RBFOX1: variants seen among roughly 807,000 people sequenced by gnomAD.
The protein encoded by RBFOX1 is RNA binding protein fox-1 homolog 1.
RBFOX1 carries 8 observed loss-of-function variants against 57.7 expected under a neutral mutation model. The ratio of observed to expected loss-of-function variants is 0.14; its 90% confidence interval spans 0.08 to 0.25. The LOEUF (loss-of-function observed/expected upper bound fraction) is 0.25, where lower values mean the gene tolerates loss of function less well. Among genes scored for constraint, RBFOX1 ranks in the 10% least tolerant of loss-of-function variants. The pLI, the probability that RBFOX1 is intolerant of heterozygous loss-of-function variation, is 1.00. For missense variants in RBFOX1, 611 were observed against 548.5 expected (o/e 1.11, Z -1.14); for synonymous variants, 326 against 222.4 (o/e 1.47, Z -4.15).
At chr16:6,619,902 C>G (rs2098202223) in intron 2 of RBFOX1, among the ~76,000 whole-genome samples, 1 of 152,090 alleles carries the variant, frequency 6.6e-6, no homozygotes, top group Non-Finnish European at 1.5e-5. Context: ...TTGTTCCCCT[C>G]TGTGTGTCCA....
chr16:5,497,275 A>G (rs966699335), intron 2 of RBFOX1, among the ~76,000 whole-genome samples: 3 of 150,736 alleles, frequency 2.0e-5, no homozygotes, highest in Non-Finnish European at 4.4e-5. Context: ...CTCAGATAAC[A>G]CAAGCACTTC....
At chr16:6,905,419 G>A (rs1272979876) in intron 3 of RBFOX1, among the ~76,000 whole-genome samples, 1 of 151,968 alleles carries the variant, frequency 6.6e-6, no homozygotes, top group Non-Finnish European at 1.5e-5. Context: ...TGAGCATGGT[G>A]GCACACTCCT....
At chr16:6,879,246 G>A (rs929472021) in intron 3 of RBFOX1, among the ~76,000 whole-genome samples, 1 of 152,094 alleles carries the variant, frequency 6.6e-6, no homozygotes, top group African/African-American at 2.4e-5. Context: ...TATGGAATTG[G>A]CTTTCAGTGA....
At chr16:6,575,862 AAAATAAAT>A (rs60635526) in intron 2 of RBFOX1, among the ~76,000 whole-genome samples, 1,661 of 145,512 alleles carry the variant, frequency 0.011, 11 homozygotes, top group Non-Finnish European at 0.015. Context: ...ATCTCAATAA[AAAATAAAT>A]AAATAAATAA....
chr16:6,385,591 C>G (rs1056920616), intron 2 of RBFOX1, among the ~76,000 whole-genome samples: 1 of 152,194 alleles, frequency 6.6e-6, no homozygotes, highest in Non-Finnish European at 1.5e-5. Flanking sequence ...AACTCCTGAC[C>G]TTAAGTGATC....
At chr16:6,208,924 C>T (rs2097273544) in intron 1 of RBFOX1, among the ~76,000 whole-genome samples, 1 of 152,080 alleles carries the variant, frequency 6.6e-6, no homozygotes, top group South Asian at 2.1e-4. Flanking sequence ...ATCTTCAGGC[C>T]ATATATTGTG....
At chr16:6,962,378 C>G (rs76363687) in intron 3 of RBFOX1, among the ~76,000 whole-genome samples, 1 of 152,144 alleles carries the variant, frequency 6.6e-6, no homozygotes, top group East Asian at 1.9e-4. Flanking sequence ...AGGGTTAGGA[C>G]TTCGACTTAT....
At chr16:7,679,483 G>C in intron 14 of RBFOX1, among the ~76,000 whole-genome samples, 1 of 152,164 alleles carries the variant, frequency 6.6e-6, no homozygotes, top group East Asian at 1.9e-4. Flanking sequence ...TTTTGGTAAT[G>C]CTCACTGGTT....
intron 9 of RBFOX1, among the ~76,000 whole-genome samples, chr16:7,606,998 T>C (rs1054995960): frequency 6.6e-6 from 1 of 152,176 alleles, no homozygotes; most frequent in Non-Finnish European, 1.5e-5. Context: ...CTAAAAAATA[T>C]TGATGGAGTA....
chr16:6,248,938 T>A (rs573702108), intron 1 of RBFOX1, among the ~76,000 whole-genome samples: 2 of 152,318 alleles, frequency 1.3e-5, no homozygotes, highest in South Asian at 4.1e-4. Context: ...GTCTGGGTGC[T>A]TTCTATGTAC....
intron 3 of RBFOX1, among the ~76,000 whole-genome samples, chr16:6,873,543 C>T (rs1393939692): frequency 6.6e-6 from 1 of 151,876 alleles, no homozygotes; most frequent in African/African-American, 2.4e-5. Context: ...TTATTTTCAG[C>T]TTAAAAAAAA....
chr16:6,867,150 A>C (rs2060083164), intron 3 of RBFOX1, among the ~76,000 whole-genome samples: 1 of 152,192 alleles, frequency 6.6e-6, no homozygotes, highest in African/African-American at 2.4e-5. Context: ...GAGATGTACT[A>C]AGTGCAGAAG....
chr16:6,279,327 C>T (rs1023951125), intron 1 of RBFOX1, among the ~76,000 whole-genome samples: 10 of 152,128 alleles, frequency 6.6e-5, no homozygotes, highest in African/African-American at 1.7e-4. Context: ...TTAACTAGCA[C>T]GTACCAAGTG....
Position 6,122,408 on chromosome 16 carries a change from G to A in RBFOX1, c.-127+102416G>A, listed in dbSNP as rs547130177. Among the ~76,000 whole-genome samples, 3 of 151,212 alleles carry A rather than the reference G, an allele frequency of 2.0e-5. No individual in the cohort carries two copies. In the East Asian group the frequency reaches 5.9e-4, roughly 30 times the overall value. On this transcript the variant is annotated intron_variant, in intron 1 of 15. Transcript: ENST00000550418. ...CACACACACACACATTTTTAAAGGA[G>A]CTTTCAACCTGCTGGGAATTCTTGA...
At chr16:7,018,705 G>T (rs144002802) in intron 3 of RBFOX1, among the ~76,000 whole-genome samples, 12 of 151,784 alleles carry the variant, frequency 7.9e-5, no homozygotes, top group African/African-American at 2.7e-4. Flanking sequence ...CATGTTAATG[G>T]GTGCAGCACA....
chr16:7,406,970 T>G (rs1164100258), intron 4 of RBFOX1, among the ~76,000 whole-genome samples: 1 of 152,184 alleles, frequency 6.6e-6, no homozygotes, highest in Non-Finnish European at 1.5e-5. Flanking sequence ...CCTCTGCGTT[T>G]GTATGTCCTG....
intron 1 of RBFOX1, among the ~76,000 whole-genome samples, chr16:5,336,386 C>A (rs890102389): frequency 6.6e-6 from 1 of 152,158 alleles, no homozygotes; most frequent in Admixed American, 6.5e-5. Flanking sequence ...TCTCTGAATC[C>A]CCACTATCCT....
At chr16:5,257,011 G>T (rs1438434155) in intron 1 of RBFOX1, among the ~76,000 whole-genome samples, 1 of 151,902 alleles carries the variant, frequency 6.6e-6, no homozygotes, top group Non-Finnish European at 1.5e-5. Context: ...AAAGATTGTT[G>T]TTGGATTTTA....
intron 2 of RBFOX1, among the ~76,000 whole-genome samples, chr16:6,388,802 A>C (rs1402669868): frequency 6.6e-6 from 1 of 152,218 alleles, no homozygotes; most frequent in East Asian, 1.9e-4. Context: ...AACCTGGAGG[A>C]CATTCGGCTA....
Sources: gnomAD v4.1 joint callset for allele counts (sites outside exome capture counted in the v4.1 genomes callset) on GRCh38, gnomAD v4.1.1 for gene constraint, MANE v1.5 for transcripts, NCBI Gene and HGNC (gene_info 2026-07-23, HGNC 2026-07-21) for gene names.